The following RBM18 variants were observed in gnomAD, a reference collection of about 807,000 sequenced individuals.
RBM18 encodes RNA binding motif protein 18.
RBM18 carries 18 observed loss-of-function variants against 26.4 expected under a neutral mutation model. That is an observed-to-expected ratio of 0.68 (90% CI 0.47 to 1.01). The LOEUF (loss-of-function observed/expected upper bound fraction) is 1.01, where lower values mean the gene tolerates loss of function less well. RBM18 is among the 50% of genes least tolerant of loss of function. The pLI, the probability that RBM18 is intolerant of heterozygous loss-of-function variation, is 0.00. For synonymous variants in RBM18, 74 were observed against 81.1 expected, an observed-to-expected ratio of 0.91 and a Z score of 0.47; for missense variants, 180 against 219.2, an observed-to-expected ratio of 0.82 and a Z score of 1.13.
intron 3 of RBM18, among the ~76,000 whole-genome samples, chr9:122,249,503 A>G (rs1356309157): frequency 6.6e-6 from 1 of 152,134 alleles, no homozygotes; most frequent in East Asian, 1.9e-4. Context: ...GCTTGAGCCC[A>G]GGAGTTTGAT....
At chr9:122,250,208 G>C (rs1249640939) in intron 3 of RBM18, among the ~76,000 whole-genome samples, 4 of 152,000 alleles carry the variant, frequency 2.6e-5, no homozygotes, top group Admixed American at 2.6e-4. Flanking sequence ...AAAATACCCA[G>C]CACTGGCAAG....
In RBM18 at chr9:122,251,873, A is replaced by G; in HGVS notation, c.214T>C (p.Cys72Arg). ...GALEGQPRGYCFVNFETKQEA... is the reference protein window; with the variant it reads ...GALEGQPRGYRFVNFETKQEA... ...TGCTTAGTTTCAAAGTTAACAAAACAGTAGCCTCGAGGCTGTCCCTCCAAA... is the reference window on the plus strand; with the variant it reads ...TGCTTAGTTTCAAAGTTAACAAAACGGTAGCCTCGAGGCTGTCCCTCCAAA... Residue 72 changes from cysteine (C) to arginine (R), a missense_variant, in exon 3 of 6, where the codon TGT becomes CGT. Physicochemically the swap from Cys to Arg is radical, Grantham distance 180 (BLOSUM62 -3). Coordinates refer to ENST00000417201, the MANE Select transcript of RBM18 (RefSeq NM_033117.4). 6.2e-7 allele frequency: 1 copy of G among 1,614,170 alleles called. No homozygotes were observed. The highest frequency in any genetic ancestry group is 1.3e-5 in the African/African-American group (1 of 75,060).
chr9:122,257,761 C>T (rs546712876), intron 2 of RBM18, among the ~76,000 whole-genome samples: 11 of 152,086 alleles, frequency 7.2e-5, no homozygotes, highest in South Asian at 2.1e-4. Flanking sequence ...GAATGGGAGA[C>T]GTATTCAAAT....
intron 5 of RBM18, 111 bp downstream of exon 5, chr9:122,245,145 T>C (rs780996797): frequency 4.9e-4 from 342 of 694,392 alleles, no homozygotes; most frequent in Non-Finnish European, 7.8e-4. Context: ...TCTTGTCAAG[T>C]TAATAAATTC....
chr9:122,245,349 T>C lies in RBM18; in HGVS notation c.328-8A>G, dbSNP rs1831488727. 4 of 1,577,564 alleles carry C rather than the reference T, an allele frequency of 2.5e-6. No homozygotes were observed. The highest frequency in any genetic ancestry group is 3.5e-6 in the Non-Finnish European group (4 of 1,147,466). On this transcript the variant is annotated splice_region_variant and splice_polypyrimidine_tract_variant and intron_variant, in intron 4 of 5. Transcript: ENST00000417201. ...CTTGTTATGATCATATCTCTGAAAATGAGAAATAGAGAAATTACTTCACAT... is the reference window on the plus strand; with the variant it reads ...CTTGTTATGATCATATCTCTGAAAACGAGAAATAGAGAAATTACTTCACAT...
At chr9:122,264,141 G>A (rs574265662) in intron 1 of RBM18, among the ~76,000 whole-genome samples, 46 of 152,318 alleles carry the variant, frequency 3.0e-4, no homozygotes, top group African/African-American at 1.1e-3. Flanking sequence ...CACGGTTGGT[G>A]CTTAATATTT....
intron 2 of RBM18, among the ~76,000 whole-genome samples, chr9:122,252,583 C>G (rs1564457100): frequency 6.6e-6 from 1 of 152,346 alleles, no homozygotes; most frequent in East Asian, 1.9e-4. Context: ...GTTTCAATGA[C>G]TGATGTGACT....
rs1371127777 is a variant in RBM18, at chr9:122,240,012, C to T, written c.*1872G>A. ...GAGAGAAGATATAACCACACGGACA[C>T]CGTCTTACATTTATTCACACAGAGG... On this transcript the variant is annotated 3_prime_UTR_variant, in exon 6 of 6. Coordinates refer to ENST00000417201, the MANE Select transcript of RBM18 (RefSeq NM_033117.4). The T allele has an allele frequency of 6.6e-6, 1 of 152,130 alleles. No individual in the cohort carries two copies. Among genetic ancestry groups the T allele is most frequent in the African/African-American group, 2.4e-5 (1 of 41,412 alleles). 9.4% of individuals were successfully genotyped at this position (152,130 alleles called of 1,614,324 possible). A position where few individuals can be genotyped will look rare whatever the true frequency, so the allele number is the denominator to read the frequency against.
chr9:122,260,577 G>A (rs929102791), intron 2 of RBM18, among the ~76,000 whole-genome samples: 13 of 152,226 alleles, frequency 8.5e-5, no homozygotes, highest in African/African-American at 2.6e-4. Context: ...TCGTGAACTC[G>A]GGCAAGGTAC....
chr9:122,246,466 A>G (rs926760164), intron 4 of RBM18, among the ~76,000 whole-genome samples: 5 of 152,266 alleles, frequency 3.3e-5, no homozygotes, highest in African/African-American at 9.6e-5. Flanking sequence ...TGCCTTTTCA[A>G]TGAGATGCAG....
intron 4 of RBM18, among the ~76,000 whole-genome samples, chr9:122,245,828 A>C (rs958426686): frequency 3.3e-5 from 5 of 151,836 alleles, no homozygotes; most frequent in South Asian, 2.1e-4. Flanking sequence ...AAAAAAAAAA[A>C]ACAAAAAACA....
In RBM18 at chr9:122,237,897, C is replaced by T. The variant is rs995359852; in HGVS notation, c.*3987G>A. The T allele has an allele frequency of 1.3e-5, 2 of 152,090 alleles. No homozygotes were observed. The highest frequency in any genetic ancestry group is 6.5e-5 in the Admixed American group (1 of 15,272). The allele number at this position is 152,090 out of a possible 1,614,324, so 9.4% of individuals were successfully genotyped here. ...TTAACATACACTGAGATTTGAATTT[C>T]GTATCATTTTCATGTCACAATATAG... On this transcript the variant is annotated 3_prime_UTR_variant, in exon 6 of 6. Transcript: ENST00000417201.
At chr9:122,261,228 G>T in intron 2 of RBM18, 152 bp downstream of exon 2, 1 of 621,500 alleles carries the variant, frequency 1.6e-6, no homozygotes, top group Non-Finnish European at 2.9e-6. Context: ...AAAGTGACAA[G>T]ATAACAGGCT....
At chr9:122,249,533 A>AC (rs1158969508) in intron 3 of RBM18, among the ~76,000 whole-genome samples, 1 of 151,046 alleles carries the variant, frequency 6.6e-6, no homozygotes, top group Non-Finnish European at 1.5e-5. Context: ...AACATGGCGA[A>AC]CCCCCGCTTC....
rs1176464998 is a variant in RBM18 at position 122,238,734 on chromosome 9, TTTAAAATAA to T, written c.*3141_*3149del. ...AAAGCCACAAAGAAGAGAATCACAT[TTTAAAATAA>T]TTTTTTTAAAAATTGCTTTGGCTAC... is the stretch of plus-strand genomic sequence containing the variant. On this transcript the variant is annotated 3_prime_UTR_variant, in exon 6 of 6. Transcript: ENST00000417201. The T allele has an allele frequency of 1.3e-5, 2 of 152,220 alleles. No homozygotes were observed. The highest frequency in any genetic ancestry group is 2.9e-5 in the Non-Finnish European group (2 of 68,046). The allele number at this position is 152,220 out of a possible 1,614,324, so 9.4% of individuals were successfully genotyped here.
chr9:122,239,705 ACG>A lies in RBM18; in HGVS notation c.*2177_*2178del, dbSNP rs1416191921. 2.0e-5 allele frequency: 3 copies of A among 152,254 alleles called. No homozygotes were observed. Among genetic ancestry groups the A allele is most frequent in the Non-Finnish European group, 4.4e-5 (3 of 68,048 alleles). 9.4% of individuals were successfully genotyped at this position (152,254 alleles called of 1,614,324 possible). ...CATTTCTTCTTTTGAAATCTCTACC[ACG>A]AGAGACTAAACACAGTACGATACTT... On this transcript the variant is annotated 3_prime_UTR_variant, in exon 6 of 6. Coordinates refer to ENST00000417201, the MANE Select transcript of RBM18 (RefSeq NM_033117.4).
chr9:122,247,043 C>T (rs1246549857), intron 4 of RBM18, among the ~76,000 whole-genome samples: 1 of 152,080 alleles, frequency 6.6e-6, no homozygotes, highest in African/African-American at 2.4e-5. Flanking sequence ...GAACCCACAC[C>T]CTAGTAACTC....
chr9:122,250,453 T>C (rs1831582108), intron 3 of RBM18, among the ~76,000 whole-genome samples: 1 of 152,234 alleles, frequency 6.6e-6, no homozygotes, highest in Admixed American at 6.5e-5. Context: ...AATTGGGGAC[T>C]AGTCAAATAT....
At chr9:122,256,306 T>A (rs970227427) in intron 2 of RBM18, among the ~76,000 whole-genome samples, 1 of 152,230 alleles carries the variant, frequency 6.6e-6, no homozygotes, top group Non-Finnish European at 1.5e-5. Context: ...TTAGTACTTA[T>A]AGGCCTTTAT....
Sources: gnomAD v4.1 joint callset for allele counts (sites outside exome capture counted in the v4.1 genomes callset) on GRCh38, gnomAD v4.1.1 for gene constraint, MANE v1.5 for transcripts, NCBI Gene and HGNC (gene_info 2026-07-23, HGNC 2026-07-21) for gene names.